Variants in CCDC7 observed in about 807,000 individuals in gnomAD.
The protein encoded by CCDC7 is coiled-coil domain-containing protein 7.
Under a neutral mutation model 196.9 loss-of-function variants are expected in CCDC7, and 183 were observed. The ratio of observed to expected loss-of-function variants is 0.93; its 90% CI spans 0.82 to 1.05. The LOEUF is 1.05. CCDC7 is among the 50% of genes least tolerant of loss of function. CCDC7 has a pLI of 0.00. For missense variants in CCDC7, 1,540 were observed against 1,482.2 expected, an observed-to-expected ratio of 1.04 and a Z score of -0.64; for synonymous variants, 525 against 484.6, an observed-to-expected ratio of 1.08 and a Z score of -1.10.
chr10:32,770,195 C>CA (rs1259513032), intron 28 of CCDC7, among the ~76,000 whole-genome samples: 1 of 152,100 alleles, frequency 6.6e-6, no homozygotes, highest in Non-Finnish European at 1.5e-5. Context: ...CTAGATCCTT[C>CA]AGGAGCAACG....
At chr10:32,801,801 G>A (rs551226903) in intron 29 of CCDC7, among the ~76,000 whole-genome samples, 1 of 152,304 alleles carries the variant, frequency 6.6e-6, no homozygotes, top group Admixed American at 6.5e-5. Flanking sequence ...AGCAAATGTG[G>A]AAGGGCTGAT....
intron 21 of CCDC7, among the ~76,000 whole-genome samples, chr10:32,666,823 C>A (rs1489094139): frequency 2.0e-5 from 3 of 152,050 alleles, no homozygotes; most frequent in African/African-American, 4.8e-5. Context: ...GTGAATAGTG[C>A]CACAATAAAC....
chr10:32,585,077 A>ATT (rs201630911), intron 18 of CCDC7, among the ~76,000 whole-genome samples: 4 of 145,618 alleles, frequency 2.7e-5, no homozygotes, highest in Non-Finnish European at 3.0e-5. Context: ...CTAAACTTAA[A>ATT]TTTTTTTTTT....
chr10:32,664,931 A>T (rs895835364), intron 21 of CCDC7, among the ~76,000 whole-genome samples: 3 of 152,044 alleles, frequency 2.0e-5, no homozygotes, highest in African/African-American at 7.2e-5. Flanking sequence ...ATTCCCACCA[A>T]CAGTGTACAA....
intron 24 of CCDC7, among the ~76,000 whole-genome samples, chr10:32,708,272 G>T (rs977070822): frequency 1.4e-4 from 21 of 152,150 alleles, no homozygotes; most frequent in African/African-American, 4.1e-4. Context: ...TAGCCATATG[G>T]AGAAAGCTGA....
chr10:32,549,479 A>C (rs1391351901), intron 13 of CCDC7, among the ~76,000 whole-genome samples: 1 of 152,088 alleles, frequency 6.6e-6, no homozygotes, highest in Non-Finnish European at 1.5e-5. Context: ...TGGTCATGAA[A>C]TCCTTGCCTA....
At chr10:32,522,768 T>G (rs1286680317) in intron 11 of CCDC7, among the ~76,000 whole-genome samples, 1 of 151,984 alleles carries the variant, frequency 6.6e-6, no homozygotes, top group Admixed American at 6.5e-5. Context: ...TATGTGAAAT[T>G]TTTCTTCTTT....
intron 21 of CCDC7, among the ~76,000 whole-genome samples, chr10:32,679,619 GA>G (rs2075558670): frequency 6.6e-6 from 1 of 152,158 alleles, no homozygotes; most frequent in Non-Finnish European, 1.5e-5. Context: ...TCCCCTTACA[GA>G]TAATGCTCAG....
At chr10:32,619,363 ATAGC>A (rs1230329199) in intron 18 of CCDC7, among the ~76,000 whole-genome samples, 2 of 152,150 alleles carry the variant, frequency 1.3e-5, no homozygotes, top group African/African-American at 2.4e-5. Context: ...ACAAAAATCA[ATAGC>A]TAGCCTGTAT....
At chr10:32,811,864 A>G (rs1377417581) in intron 30 of CCDC7, among the ~76,000 whole-genome samples, 7 of 152,162 alleles carry the variant, frequency 4.6e-5, no homozygotes, top group Non-Finnish European at 8.8e-5. Flanking sequence ...CAGGAAGATA[A>G]TGCACTGTGA....
At chr10:32,770,313 T>A (rs1439908365) in intron 28 of CCDC7, among the ~76,000 whole-genome samples, 1 of 152,180 alleles carries the variant, frequency 6.6e-6, no homozygotes, top group Non-Finnish European at 1.5e-5. Context: ...GTATATTGTA[T>A]CTCCATTTTC....
chr10:32,621,004 A>G (rs1273573232), intron 18 of CCDC7, among the ~76,000 whole-genome samples: 1 of 152,166 alleles, frequency 6.6e-6, no homozygotes, highest in African/African-American at 2.4e-5. Context: ...TCCCATCTCC[A>G]ACCTACTCTG....
At chr10:32,636,110 C>A (rs1191219654) in intron 20 of CCDC7, among the ~76,000 whole-genome samples, 1 of 152,108 alleles carries the variant, frequency 6.6e-6, no homozygotes, top group Non-Finnish European at 1.5e-5. Context: ...AGTTTATTAC[C>A]ACAAAGTGTG....
intron 21 of CCDC7, among the ~76,000 whole-genome samples, chr10:32,672,788 C>T (rs1274105053): frequency 6.6e-6 from 1 of 152,164 alleles, no homozygotes; most frequent in East Asian, 1.9e-4. Flanking sequence ...TCTACTTGGA[C>T]ATTGTGCTCC....
At chr10:32,547,983 A>T (rs1342310493) in intron 13 of CCDC7, among the ~76,000 whole-genome samples, 1 of 152,130 alleles carries the variant, frequency 6.6e-6, no homozygotes, top group Non-Finnish European at 1.5e-5. Context: ...CTATTGTATC[A>T]TTCTTATGTC....
intron 29 of CCDC7, among the ~76,000 whole-genome samples, chr10:32,784,207 AATTTT>A (rs771254824): frequency 2.0e-5 from 3 of 152,144 alleles, no homozygotes; most frequent in Non-Finnish European, 2.9e-5. Context: ...TTACAAAAGA[AATTTT>A]ATTTTATTTT....
chr10:32,511,267 GGGC>G lies in CCDC7; in HGVS notation c.873-6675_873-6673del, dbSNP rs1207715899. 417 of 552,070 alleles carry G rather than the reference GGGC, an allele frequency of 7.6e-4. 15 individuals carry two copies. Among genetic ancestry groups the G allele is most frequent in the South Asian group, 1.3e-3 (54 of 43,006 alleles). The allele number at this position is 552,070 out of a possible 1,614,324, so 34.2% of individuals were successfully genotyped here. A position where few individuals can be genotyped will look rare whatever the true frequency, so the allele number is the denominator to read the frequency against. On this transcript the variant is annotated intron_variant, in intron 9 of 41. Transcript: ENST00000639629. ...AGAATTATTCTGTGGGGGGCGGGGG[GGGC>G]GGGGAAATGTACTTTTTGAATATGT...
At chr10:32,722,477 G>A (rs1007917219) in intron 25 of CCDC7, among the ~76,000 whole-genome samples, 6 of 152,064 alleles carry the variant, frequency 3.9e-5, no homozygotes, top group African/African-American at 1.4e-4. Context: ...TGACATGGTT[G>A]GTTCATTCTT....
chr10:32,673,918 C>G (rs759154178), intron 21 of CCDC7, among the ~76,000 whole-genome samples: 1 of 151,806 alleles, frequency 6.6e-6, no homozygotes, highest in Non-Finnish European at 1.5e-5. Flanking sequence ...TCATAATAGT[C>G]ATTTGTGATC....
Sources: allele counts gnomAD v4.1 joint callset (sites outside exome capture counted in the v4.1 genomes callset), GRCh38; gene constraint gnomAD v4.1.1; transcripts MANE v1.5; gene names NCBI Gene and HGNC (gene_info 2026-07-23, HGNC 2026-07-21).